The following FHIT variants were observed in gnomAD, a reference collection of about 807,000 sequenced individuals.
The protein encoded by FHIT is bis(5'-adenosyl)-triphosphatase.
FHIT carries 19 observed loss-of-function variants against 17.9 expected under a neutral mutation model. The ratio of observed to expected loss-of-function variants is 1.06; its 90% CI spans 0.74 to 1.56. The LOEUF (loss-of-function observed/expected upper bound fraction) is 1.56, where lower values mean the gene tolerates loss of function less well. FHIT is among the 40% of genes most tolerant of loss of function. FHIT has a pLI of 0.00. For synonymous variants in FHIT, 81 were observed against 69.7 expected, an observed-to-expected ratio of 1.16 and a Z score of -0.81; for missense variants, 248 against 189.2, an observed-to-expected ratio of 1.31 and a Z score of -1.82.
At chr3:60,323,450 T>C (rs1709524226) in intron 5 of FHIT, among the ~76,000 whole-genome samples, 2 of 152,176 alleles carry the variant, frequency 1.3e-5, no homozygotes, top group African/African-American at 4.8e-5. Flanking sequence ...AGTGAGCCAG[T>C]GTCCCAACAG....
chr3:61,050,353 A>G (rs957020494), intron 2 of FHIT, among the ~76,000 whole-genome samples: 1 of 152,212 alleles, frequency 6.6e-6, no homozygotes, highest in African/African-American at 2.4e-5. Flanking sequence ...AAGAGGACTA[A>G]TTAAAAAAAA....
chr3:60,523,798 G>A (rs542275435), intron 5 of FHIT, among the ~76,000 whole-genome samples: 1 of 152,292 alleles, frequency 6.6e-6, no homozygotes, highest in East Asian at 1.9e-4. Context: ...GGGAGGGGTT[G>A]AGTATTTTTC....
chr3:59,813,523 G>T (rs535925872), intron 8 of FHIT, among the ~76,000 whole-genome samples: 1 of 152,298 alleles, frequency 6.6e-6, no homozygotes, highest in African/African-American at 2.4e-5. Flanking sequence ...GGATTTTTGA[G>T]AGGGGATAGA....
rs558793946 is a variant in FHIT at position 60,882,317 on chromosome 3, C to T, written c.-110-60306G>A. Among the ~76,000 whole-genome samples, 8 of 152,172 alleles carry T rather than the reference C, an allele frequency of 5.3e-5. No individual in the cohort carries two copies. The South Asian group carries it at 1.0e-3, about 20-fold the overall frequency. Reference sequence around the variant, plus strand: ...CAAACATTTAAAGAAGAACTAATGCCCATCCTTCTCAAACTCTTCTAGAAA... The same window carrying T: ...CAAACATTTAAAGAAGAACTAATGCTCATCCTTCTCAAACTCTTCTAGAAA... On this transcript the variant is annotated intron_variant, in intron 3 of 9. Transcript: ENST00000492590.
At chr3:59,920,576 C>T (rs572255167) in intron 8 of FHIT, among the ~76,000 whole-genome samples, 1 of 152,134 alleles carries the variant, frequency 6.6e-6, no homozygotes, top group Non-Finnish European at 1.5e-5. Flanking sequence ...ACAGTTGGAA[C>T]ATCGACAAGA....
chr3:59,906,481 GACCCCTAAAA>G (rs1203550026), intron 8 of FHIT, among the ~76,000 whole-genome samples: 7 of 152,158 alleles, frequency 4.6e-5, no homozygotes, highest in African/African-American at 1.7e-4. Flanking sequence ...ACAGCATGTA[GACCCCTAAAA>G]ATTAAAAACA....
At chr3:60,478,867 A>G (rs1027983980) in intron 5 of FHIT, among the ~76,000 whole-genome samples, 29 of 152,334 alleles carry the variant, frequency 1.9e-4, no homozygotes, top group African/African-American at 7.0e-4. Flanking sequence ...TAATCACACC[A>G]CATATCAAAT....
Position 60,439,563 on chromosome 3 carries a change from A to G in FHIT, c.103+97297T>C, listed in dbSNP as rs150634203. Among the ~76,000 whole-genome samples the G allele has an allele frequency of 4.6e-5, 7 of 152,138 alleles. No individual in the cohort carries two copies. The East Asian group carries it at 7.8e-4, about 17-fold the overall frequency. On this transcript the variant is annotated intron_variant, in intron 5 of 9. Coordinates refer to ENST00000492590, the MANE Select transcript of FHIT (RefSeq NM_002012.4). ...GATCAGATGGATGACATCCTGAGTC[A>G]TCAGTCAGTGATTCCTGGTCTCAGT... is the stretch of plus-strand genomic sequence containing the variant.
At chr3:61,015,556 A>G (rs902154227) in intron 3 of FHIT, among the ~76,000 whole-genome samples, 4 of 152,178 alleles carry the variant, frequency 2.6e-5, no homozygotes, top group African/African-American at 7.2e-5. Flanking sequence ...GAATGTCACT[A>G]TGGCTTTCTG....
rs576691489 is a variant in FHIT at position 60,759,293 on chromosome 3, G to A, written c.-18+62626C>T. ...AAGGATAGAAATAGAGAACACTTAC[G>A]CAAAAGTCTAGAGCAAAGATGGTGA... On this transcript the variant is annotated intron_variant, in intron 4 of 9. Coordinates refer to ENST00000492590, the MANE Select transcript of FHIT (RefSeq NM_002012.4). Among the ~76,000 whole-genome samples the A allele has an allele frequency of 2.7e-4, 41 of 152,260 alleles. No homozygotes were observed. The South Asian group carries it at 6.0e-3, about 22-fold the overall frequency.
At chr3:60,130,793 A>ATATATGTGTGTGTGTGTG (rs1699523320) in intron 5 of FHIT, among the ~76,000 whole-genome samples, 1 of 140,428 alleles carries the variant, frequency 7.1e-6, no homozygotes, top group Admixed American at 6.9e-5. Flanking sequence ...TGGTGTGTAT[A>ATATATGTGTGTGTGTGTG]TACACACATA....
At chr3:60,258,361 G>T (rs902260095) in intron 5 of FHIT, among the ~76,000 whole-genome samples, 1 of 151,862 alleles carries the variant, frequency 6.6e-6, no homozygotes, top group Non-Finnish European at 1.5e-5. Context: ...CTTGTTTAGC[G>T]GCCTCTCTAA....
At chr3:60,306,297 T>C (rs1708668764) in intron 5 of FHIT, among the ~76,000 whole-genome samples, 1 of 152,160 alleles carries the variant, frequency 6.6e-6, no homozygotes, top group African/African-American at 2.4e-5. Context: ...ATTAAAAACA[T>C]ATCTCCCCTA....
chr3:60,479,454 T>C (rs1269646038), intron 5 of FHIT, among the ~76,000 whole-genome samples: 1 of 152,226 alleles, frequency 6.6e-6, no homozygotes, highest in Non-Finnish European at 1.5e-5. Context: ...ATAATGTATC[T>C]GGAAAATTCC....
chr3:60,102,759 A>G (rs1405029337), intron 5 of FHIT, among the ~76,000 whole-genome samples: 4 of 152,202 alleles, frequency 2.6e-5, no homozygotes, highest in Non-Finnish European at 5.9e-5. Flanking sequence ...TGTCACTTAC[A>G]TCATTACAGG....
chr3:59,882,693 T>C (rs1477046548), intron 8 of FHIT, among the ~76,000 whole-genome samples: 6 of 152,168 alleles, frequency 3.9e-5, no homozygotes, highest in Non-Finnish European at 7.4e-5. Flanking sequence ...TGAAGTACAC[T>C]GTGAGGAAGA....
intron 3 of FHIT, among the ~76,000 whole-genome samples, chr3:61,023,167 G>A (rs1025574435): frequency 2.6e-5 from 4 of 152,068 alleles, no homozygotes; most frequent in Non-Finnish European, 5.9e-5. Flanking sequence ...AAATCAATGT[G>A]CAAAAATCAC....
At chr3:60,906,566 A>G (rs2107248132) in intron 3 of FHIT, among the ~76,000 whole-genome samples, 1 of 152,284 alleles carries the variant, frequency 6.6e-6, no homozygotes, top group Non-Finnish European at 1.5e-5. Flanking sequence ...TGGGGTAGGG[A>G]AAATGTAAGG....
chr3:60,357,708 GT>G (rs1699734259), intron 5 of FHIT, among the ~76,000 whole-genome samples: 1 of 152,130 alleles, frequency 6.6e-6, no homozygotes, highest in East Asian at 1.9e-4. Context: ...ATTATTCTCT[GT>G]AGTATATACT....
Sources: gnomAD v4.1 joint callset for allele counts (sites outside exome capture counted in the v4.1 genomes callset) on GRCh38, gnomAD v4.1.1 for gene constraint, MANE v1.5 for transcripts, NCBI Gene and HGNC (gene_info 2026-07-23, HGNC 2026-07-21) for gene names.